Variants in RORB observed in about 807,000 individuals in gnomAD.
RORB encodes the protein nuclear receptor ROR-beta.
In RORB, 6 loss-of-function variants were observed where a neutral mutation model predicts 59.1. The observed-to-expected ratio is 0.10, with a 90% confidence interval of 0.06 to 0.20. The LOEUF (loss-of-function observed/expected upper bound fraction) is 0.20, where lower values mean the gene tolerates loss of function less well. RORB is among the 10% of genes least tolerant of loss of function. The pLI, the probability that RORB is intolerant of heterozygous loss-of-function variation, is 1.00. For synonymous variants in RORB, 215 were observed against 204.5 expected, an observed-to-expected ratio of 1.05 and a Z score of -0.44; for missense variants, 320 against 560.5, an observed-to-expected ratio of 0.57 and a Z score of 4.33.
intron 1 of RORB, among the ~76,000 whole-genome samples, chr9:74,551,883 G>A (rs976646032): frequency 1.3e-5 from 2 of 152,048 alleles, no homozygotes; most frequent in East Asian, 3.9e-4. Context: ...CAAAAATATG[G>A]TATCCAGTGC....
intron 3 of RORB, among the ~76,000 whole-genome samples, chr9:74,639,263 A>G (rs551956524): frequency 2.9e-4 from 44 of 152,350 alleles, no homozygotes; most frequent in African/African-American, 1.0e-3. Flanking sequence ...GCACAATCAC[A>G]CGAGCCTTTT....
chr9:74,551,196 G>A (rs1304933721), intron 1 of RORB, among the ~76,000 whole-genome samples: 2 of 152,014 alleles, frequency 1.3e-5, no homozygotes, highest in South Asian at 2.1e-4. Context: ...GACCATCAGT[G>A]GATTTCTGAA....
chr9:74,537,451 T>TC (rs778156083), intron 1 of RORB, among the ~76,000 whole-genome samples: 20 of 151,920 alleles, frequency 1.3e-4, no homozygotes, highest in Middle Eastern at 3.4e-3. Context: ...CTAATTTGTT[T>TC]CCCCCACATG....
intron 9 of RORB, among the ~76,000 whole-genome samples, chr9:74,677,133 T>C (rs1824456887): frequency 6.6e-6 from 1 of 152,118 alleles, no homozygotes; most frequent in African/African-American, 2.4e-5. Context: ...ACATAATCCA[T>C]ACAGGCTACG....
chr9:74,608,502 T>G (rs1195477721), intron 1 of RORB, among the ~76,000 whole-genome samples: 1 of 148,290 alleles, frequency 6.7e-6, no homozygotes, highest in Non-Finnish European at 1.5e-5. Flanking sequence ...AGGCGGAGCT[T>G]GCAGTGAGCC....
chr9:74,593,348 C>G (rs1312975793), intron 1 of RORB, among the ~76,000 whole-genome samples: 5 of 151,814 alleles, frequency 3.3e-5, no homozygotes, highest in African/African-American at 4.8e-5. Context: ...CGCCTATAAT[C>G]CCAGCTACTT....
chr9:74,596,384 A>G (rs1464355963), intron 1 of RORB, among the ~76,000 whole-genome samples: 1 of 152,216 alleles, frequency 6.6e-6, no homozygotes, highest in Admixed American at 6.5e-5. Context: ...TCCAGTTCTG[A>G]TAACTCAGGG....
chr9:74,665,606 C>T lies in RORB; in HGVS notation c.1000+11C>T. ...TGTTCAAAGCCTTAGGTAAGTTTCC[C>T]TTTGATGAGGACACAATTTTATTAG... On this transcript the variant is annotated intron_variant, in intron 7 of 9. Coordinates refer to ENST00000376896, the MANE Select transcript of RORB (RefSeq NM_006914.4). 6.5e-7 allele frequency: 1 copy of T among 1,541,192 alleles called. No individual in the cohort carries two copies.
In RORB at chr9:74,691,386, A is replaced by C. The variant is rs1463697199; in HGVS notation, c.*5768A>C. ...GCGTGCCTCTGTCACAACCATACGT[A>C]GAAACACATTAGGTATGTCTGGAAA... On this transcript the variant is annotated 3_prime_UTR_variant, in exon 10 of 10. Transcript: ENST00000376896. 6.6e-6 allele frequency: 1 copy of C among 152,226 alleles called. No individual in the cohort carries two copies. The highest frequency in any genetic ancestry group is 1.5e-5 in the Non-Finnish European group (1 of 68,052). 9.4% of individuals were successfully genotyped at this position (152,226 alleles called of 1,614,324 possible). A position where few individuals can be genotyped will look rare whatever the true frequency, so the allele number is the denominator to read the frequency against.
chr9:74,672,817 G>C (rs1824370307), intron 9 of RORB, among the ~76,000 whole-genome samples: 1 of 152,050 alleles, frequency 6.6e-6, no homozygotes, highest in African/African-American at 2.4e-5. Context: ...TTAAGAAATT[G>C]AGCTTATTCT....
chr9:74,680,739 C>T (rs752984904), intron 9 of RORB, among the ~76,000 whole-genome samples: 5 of 151,958 alleles, frequency 3.3e-5, no homozygotes, highest in Admixed American at 6.6e-5. Context: ...CTTTATGTGC[C>T]CTGTTTTCAT....
At chr9:74,582,290 C>T (rs1307842678) in intron 1 of RORB, among the ~76,000 whole-genome samples, 6 of 152,128 alleles carry the variant, frequency 3.9e-5, no homozygotes, top group African/African-American at 1.4e-4. Flanking sequence ...TAACTGACTT[C>T]CTACCTTTCT....
rs1371799981 is a variant in RORB at position 74,677,193 on chromosome 9, TC to T, written c.1224+5294del. Reference sequence around the variant, plus strand: ...ACTCCGGATGATCAAGTGTAAAAAGTCCAGCTTTCCCCATCACACACCCATC... The same window carrying T: ...ACTCCGGATGATCAAGTGTAAAAAGTCAGCTTTCCCCATCACACACCCATC... On this transcript the variant is annotated intron_variant, in intron 9 of 9. Transcript: ENST00000376896. Among the ~76,000 whole-genome samples, 3 of 152,142 alleles carry T rather than the reference TC, an allele frequency of 2.0e-5. No homozygotes were observed. In the East Asian group the frequency reaches 5.8e-4, roughly 29 times the overall value.
chr9:74,665,543 C>T lies in RORB; in HGVS notation c.948C>T (p.Asn316=), dbSNP rs74717284. Residue 316 remains asparagine, a synonymous_variant, in exon 7 of 10, where the codon AAC becomes AAT. Coordinates refer to ENST00000376896, the MANE Select transcript of RORB (RefSeq NM_006914.4). ...GCCGTGCCTTCAACCCATTAAACAACACTGTTCTGTTTGAAGGAAAATATG... is the reference window on the plus strand; with the variant it reads ...GCCGTGCCTTCAACCCATTAAACAATACTGTTCTGTTTGAAGGAAAATATG... ...RMCRAFNPLN[N]TVLFEGKYGG... The T allele has an allele frequency of 3.0e-3, 4,839 of 1,613,098 alleles. 17 individuals are homozygous for T. Among genetic ancestry groups the T allele is most frequent in the Non-Finnish European group, 3.6e-3 (4,211 of 1,179,408 alleles).
At chr9:74,622,998 G>T (rs535140849) in intron 1 of RORB, among the ~76,000 whole-genome samples, 1 of 152,094 alleles carries the variant, frequency 6.6e-6, no homozygotes, top group Non-Finnish European at 1.5e-5. Context: ...ATTGAACTCC[G>T]TGTTAACTAA....
intron 1 of RORB, among the ~76,000 whole-genome samples, chr9:74,500,298 T>C (rs1825788789): frequency 6.6e-6 from 1 of 152,058 alleles, no homozygotes; most frequent in Admixed American, 6.5e-5. Flanking sequence ...TACTACCTCT[T>C]CATATTTTCC....
At chr9:74,633,632 A>G (rs1823654742) in intron 2 of RORB, among the ~76,000 whole-genome samples, 1 of 152,180 alleles carries the variant, frequency 6.6e-6, no homozygotes, top group Non-Finnish European at 1.5e-5. Flanking sequence ...TCTGGAGAAA[A>G]TGCTTATTTT....
At chr9:74,604,499 T>G (rs556600322) in intron 1 of RORB, among the ~76,000 whole-genome samples, 2 of 152,338 alleles carry the variant, frequency 1.3e-5, no homozygotes, top group African/African-American at 4.8e-5. Context: ...TATCACAGAG[T>G]TGACAATATA....
intron 4 of RORB, among the ~76,000 whole-genome samples, chr9:74,654,363 AG>A: frequency 6.9e-6 from 1 of 145,760 alleles, no homozygotes; most frequent in Non-Finnish European, 1.5e-5. Context: ...AGAGAGAGAG[AG>A]AGAGAGAGTA....
Sources: gnomAD v4.1 joint callset for allele counts (sites outside exome capture counted in the v4.1 genomes callset) on GRCh38, gnomAD v4.1.1 for gene constraint, MANE v1.5 for transcripts, NCBI Gene and HGNC (gene_info 2026-07-23, HGNC 2026-07-21) for gene names.